Variants in GGA3 observed in about 807,000 individuals in gnomAD.
GGA3 encodes ADP-ribosylation factor-binding protein GGA3.
Under a neutral mutation model 77.5 loss-of-function variants are expected in GGA3, and 57 were observed. That is an observed-to-expected ratio of 0.74 (90% CI 0.59 to 0.92). The LOEUF (loss-of-function observed/expected upper bound fraction) is 0.92, where lower values mean the gene tolerates loss of function less well. GGA3 is among the 40% of genes least tolerant of loss of function. GGA3 has a pLI of 0.00. For missense variants in GGA3, 970 were observed against 914.9 expected (o/e 1.06, Z -0.78); for synonymous variants, 416 against 383.7 (o/e 1.08, Z -0.98).
At chr17:75,252,042 AG>A (rs1241777544) in intron 1 of GGA3, among the ~76,000 whole-genome samples, 1 of 150,430 alleles carries the variant, frequency 6.6e-6, no homozygotes, top group Non-Finnish European at 1.5e-5. Context: ...CTAGGATTAC[AG>A]GTGTGAGTCC....
rs2076609622 is a variant in GGA3, at chr17:75,242,809, T to C, written c.609+22A>G. 3.8e-6 allele frequency: 6 copies of C among 1,592,426 alleles called. No individual in the cohort carries two copies. The East Asian group carries it at 1.1e-4, about 30-fold the overall frequency. On this transcript the variant is annotated intron_variant, in intron 7 of 16. Coordinates refer to ENST00000537686, the MANE Select transcript of GGA3 (RefSeq NM_138619.4). ...GCCATGGGCTCCTCCACCCCGTGCCTGAAGGACCGGGGCCCACTCACTTCC... is the reference window on the plus strand; with the variant it reads ...GCCATGGGCTCCTCCACCCCGTGCCCGAAGGACCGGGGCCCACTCACTTCC...
chr17:75,242,448 G>T lies in GGA3; in HGVS notation c.635C>A (p.Thr212Asn), dbSNP rs764556685. ...TTCCTCTAACGTGTGCAGACGCTTG[G>T]TCACCTTCTGGATCCGTGCCTCGTC... ...KEDEARIQKV[T>N]KRLHTLEEVN... Residue 212 changes from threonine to asparagine, a missense_variant, in exon 8 of 17, where the codon ACC becomes AAC. Coordinates refer to ENST00000537686, the MANE Select transcript of GGA3 (RefSeq NM_138619.4). The T allele has an allele frequency of 1.2e-6, 2 of 1,614,156 alleles. No homozygotes were observed. The highest frequency in any genetic ancestry group is 1.7e-6 in the Non-Finnish European group (2 of 1,179,996).
intron 1 of GGA3, among the ~76,000 whole-genome samples, chr17:75,248,132 T>C (rs1174521294): frequency 6.6e-6 from 1 of 152,188 alleles, no homozygotes; most frequent in Non-Finnish European, 1.5e-5. Context: ...GTCATTACTT[T>C]CTGAATTCTG....
At chr17:75,260,700 C>T (rs1437371332) in intron 1 of GGA3, among the ~76,000 whole-genome samples, 1 of 152,236 alleles carries the variant, frequency 6.6e-6, no homozygotes, top group African/African-American at 2.4e-5. Context: ...TTAAAGGAGG[C>T]TTCCAGGTCT....
chr17:75,248,866 G>A, intron 1 of GGA3: 1 of 981,752 alleles, frequency 1.0e-6, no homozygotes, highest in Non-Finnish European at 1.2e-6. Context: ...TCATAACAGA[G>A]ACTCCAGCTC....
chr17:75,237,926 C>CCACCCCA lies in GGA3; in HGVS notation c.*352_*353insTGGGGTG. 4.2e-6 allele frequency: 2 copies of CCACCCCA among 478,818 alleles called. No homozygotes were observed. The highest frequency in any genetic ancestry group is 5.7e-6 in the Non-Finnish European group (2 of 353,576). 29.7% of individuals were successfully genotyped at this position (478,818 alleles called of 1,614,324 possible). A position where few individuals can be genotyped will look rare whatever the true frequency, so the allele number is the denominator to read the frequency against. On this transcript the variant is annotated 3_prime_UTR_variant, in exon 17 of 17. Coordinates refer to ENST00000537686, the MANE Select transcript of GGA3 (RefSeq NM_138619.4). Reference sequence around the variant, plus strand: ...GTCTCTCTTTAGAGACTCCCACCCCCCACCCCCCACCCCAGTGGCTTCAGT... The same window carrying CCACCCCA: ...GTCTCTCTTTAGAGACTCCCACCCCCCACCCCACACCCCCCACCCCAGTGGCTTCAGT...
At position 75,239,517 on chromosome 17, in the gene GGA3, T is replaced by G; in HGVS notation, c.1638A>C (p.Pro546=). The change falls in exon 14 of 17, where the codon CCA becomes CCC. Residue 546 remains proline, a synonymous_variant. Coordinates refer to ENST00000537686, the MANE Select transcript of GGA3 (RefSeq NM_138619.4). Reference sequence around the variant, plus strand: ...TGGAGAAGGGCAGGAGGGGCCTGGCTGGGGTGGTGGTGGGGATGAGAGGGG... The same window carrying G: ...TGGAGAAGGGCAGGAGGGGCCTGGCGGGGGTGGTGGTGGGGATGAGAGGGG... The part of the protein sequence containing the change: ...TTSPLIPTTT[P]ARPLLPFSTG... 1 of 1,569,540 alleles carries G rather than the reference T, an allele frequency of 6.4e-7. No individual in the cohort carries two copies. Among genetic ancestry groups the G allele is most frequent in the Non-Finnish European group, 8.6e-7 (1 of 1,161,362 alleles).
rs2076376803 is a variant in GGA3 at position 75,237,917 on chromosome 17, T to TCCCCCCC, written c.*361_*362insGGGGGGG. ...CCCATGACAGTCTCTCTTTAGAGAC[T>TCCCCCCC]CCCACCCCCCACCCCCCACCCCAGT... is the stretch of plus-strand genomic sequence containing the variant. On this transcript the variant is annotated 3_prime_UTR_variant, in exon 17 of 17. Coordinates refer to ENST00000537686, the MANE Select transcript of GGA3 (RefSeq NM_138619.4). 14 of 761,972 alleles carry TCCCCCCC rather than the reference T, an allele frequency of 1.8e-5. No homozygotes were observed. Among genetic ancestry groups the TCCCCCCC allele is most frequent in the South Asian group, 4.0e-5 (1 of 25,038 alleles). 47.2% of individuals were successfully genotyped at this position (761,972 alleles called of 1,614,324 possible).
intron 1 of GGA3, among the ~76,000 whole-genome samples, chr17:75,247,553 C>T (rs886670570): frequency 2.0e-5 from 3 of 152,338 alleles, no homozygotes; most frequent in South Asian, 4.1e-4. Flanking sequence ...TGAGTCACCG[C>T]GCCCAGCGAA....
chr17:75,261,709 G>C, upstream of GGA3: 1 of 1,168,458 alleles, frequency 8.6e-7, no homozygotes, highest in Non-Finnish European at 1.2e-6. Flanking sequence ...GCGCCAGACT[G>C]CGACGGATAC....
rs2076771195 is a variant in GGA3, at chr17:75,246,730, A to T, written c.107T>A (p.Ile36Asn). The change falls in exon 2 of 17, where the codon ATC (isoleucine) becomes AAC (asparagine). Residue 36 changes from isoleucine to asparagine, a missense_variant. Transcript: ENST00000537686. ...GACTCACCCTTCCAGCTCCTTGTTG[A>T]TCTGATCACAGAAGCCAATTATGTA... is the stretch of plus-strand genomic sequence containing the variant. ...WEYIIGFCDQ[I>N]NKELEGPQIA... 4 of 1,613,776 alleles carry T rather than the reference A, an allele frequency of 2.5e-6. No individual in the cohort carries two copies. The highest frequency in any genetic ancestry group is 2.5e-6 in the Non-Finnish European group (3 of 1,179,834).
At chr17:75,244,010 C>CTGCCTTTCCTTACT (rs2076667661) in intron 4 of GGA3, among the ~76,000 whole-genome samples, 1 of 152,136 alleles carries the variant, frequency 6.6e-6, no homozygotes, top group Non-Finnish European at 1.5e-5. Context: ...ACCTTGGGGA[C>CTGCCTTTCCTTACT]ATCAAGACAG....
chr17:75,257,288 C>CCCCA (rs60470087), intron 1 of GGA3, among the ~76,000 whole-genome samples: 2,295 of 133,320 alleles, frequency 0.017, 134 homozygotes, highest in East Asian at 0.11. Context: ...GCCCCCCCCC[C>CCCCA]CAAAAAAAAC....
chr17:75,248,003 T>C (rs1321446697), intron 1 of GGA3, among the ~76,000 whole-genome samples: 6 of 152,092 alleles, frequency 3.9e-5, no homozygotes, highest in Non-Finnish European at 7.3e-5. Context: ...GGGCTTTGGG[T>C]TCTGAAGACA....
rs1567789733 is a variant in GGA3 at position 75,244,690 on chromosome 17, CA to C, written c.228del (p.Cys76TrpfsTer15). 1.2e-6 allele frequency: 2 copies of C among 1,613,890 alleles called. No homozygotes were observed. Among genetic ancestry groups the C allele is most frequent in the Non-Finnish European group, 1.7e-6 (2 of 1,179,748 alleles). On this transcript the variant is annotated frameshift_variant, in exon 4 of 17. Coordinates refer to ENST00000537686, the MANE Select transcript of GGA3 (RefSeq NM_138619.4). LOFTEE classifies it high-confidence loss of function. ...CCCACTTCGTTATGAAATCTCCTCCCACAGTTCTTCATGCATGCCTCCAGCA... is the reference window on the plus strand; with the variant it reads ...CCCACTTCGTTATGAAATCTCCTCCCCAGTTCTTCATGCATGCCTCCAGCA... ...LTVLEACMKN[C>X]GRRFHNEVGK...
chr17:75,256,871 C>T lies in GGA3; in HGVS notation c.40+4677G>A, dbSNP rs540294346. On this transcript the variant is annotated intron_variant, in intron 1 of 16. Coordinates refer to ENST00000537686, the MANE Select transcript of GGA3 (RefSeq NM_138619.4). ...GACACTTTCACTAGGTAAGTAGAGG[C>T]CTTTCCTACAGGGTCTGAGAAGGCC... Among the ~76,000 whole-genome samples the T allele has an allele frequency of 2.6e-5, 4 of 152,212 alleles. No homozygotes were observed. The East Asian group carries it at 7.7e-4, about 29-fold the overall frequency.
rs2076692020 is a variant in GGA3 at position 75,244,654 on chromosome 17, A to G, written c.265T>C (p.Phe89Leu). Residue 89 changes from phenylalanine (F) to leucine (L), a missense_variant, in exon 4 of 17, where the codon TTT becomes CTT. Transcript: ENST00000537686. ...ACGACTTTGATTAACTCATTCAAAA[A>G]GCGGAACTTCCCCACTTCGTTATGA... is the stretch of plus-strand genomic sequence containing the variant. Reference protein sequence around the residue: ...RFHNEVGKFRFLNELIKVVSP... With the variant: ...RFHNEVGKFRLLNELIKVVSP... The G allele has an allele frequency of 6.2e-7, 1 of 1,613,824 alleles. No individual in the cohort carries two copies. The highest frequency in any genetic ancestry group is 1.3e-5 in the African/African-American group (1 of 75,038).
chr17:75,250,762 C>CAAAAA (rs5822078), intron 1 of GGA3, among the ~76,000 whole-genome samples: 1 of 78,850 alleles, frequency 1.3e-5, no homozygotes, highest in African/African-American at 4.9e-5. Flanking sequence ...ACTCCATCTC[C>CAAAAA]AAAAAAAAAA....
In GGA3 at chr17:75,237,881, GT is replaced by G; in HGVS notation, c.*397del. 7.2e-7 allele frequency: 1 copy of G among 1,384,290 alleles called. No individual in the cohort carries two copies. Among genetic ancestry groups the G allele is most frequent in the South Asian group, 1.7e-5 (1 of 57,480 alleles). 85.8% of individuals were successfully genotyped at this position (1,384,290 alleles called of 1,614,324 possible). On this transcript the variant is annotated 3_prime_UTR_variant, in exon 17 of 17. Transcript: ENST00000537686. ...TGTCAGGTGTGAGGATGTGGCTCTTGTGGGGAATGACCCATGACAGTCTCTC... is the reference window on the plus strand; with the variant it reads ...TGTCAGGTGTGAGGATGTGGCTCTTGGGGGAATGACCCATGACAGTCTCTC...
Sources: gnomAD v4.1 joint callset for allele counts (sites outside exome capture counted in the v4.1 genomes callset) on GRCh38, gnomAD v4.1.1 for gene constraint, MANE v1.5 for transcripts, NCBI Gene and HGNC (gene_info 2026-07-23, HGNC 2026-07-21) for gene names.